RBFOX1: variants seen among roughly 807,000 people sequenced by gnomAD.
The protein encoded by RBFOX1 is RNA binding fox-1 homolog 1, also known as RNA binding protein fox-1 homolog 1.
In RBFOX1, 8 loss-of-function variants were observed where a neutral mutation model predicts 57.7. The ratio of observed to expected loss-of-function variants is 0.14; its 90% confidence interval spans 0.08 to 0.25. The LOEUF (loss-of-function observed/expected upper bound fraction) is 0.25, where lower values mean the gene tolerates loss of function less well. RBFOX1 is among the 10% of genes least tolerant of loss of function. The pLI is 1.00. For synonymous variants in RBFOX1, 326 were observed against 222.4 expected, an observed-to-expected ratio of 1.47 and a Z score of -4.15; for missense variants, 611 against 548.5, an observed-to-expected ratio of 1.11 and a Z score of -1.14.
At chr16:7,038,914 G>T (rs908142466) in intron 3 of RBFOX1, among the ~76,000 whole-genome samples, 3 of 152,176 alleles carry the variant, frequency 2.0e-5, no homozygotes, top group East Asian at 3.9e-4. Context: ...TTCAAATTCT[G>T]TGGGCATCCT....
At chr16:6,756,051 C>T (rs1196146095) in intron 3 of RBFOX1, among the ~76,000 whole-genome samples, 1 of 152,114 alleles carries the variant, frequency 6.6e-6, no homozygotes, top group Non-Finnish European at 1.5e-5. Context: ...TGAGGTGCCT[C>T]CCAGGGAGTG....
At chr16:6,769,414 A>G (rs1053665952) in intron 3 of RBFOX1, among the ~76,000 whole-genome samples, 3 of 152,210 alleles carry the variant, frequency 2.0e-5, no homozygotes, top group Non-Finnish European at 4.4e-5. Flanking sequence ...AGAATACAGC[A>G]GTACATCAGG....
intron 4 of RBFOX1, among the ~76,000 whole-genome samples, chr16:5,991,656 T>C (rs1275211551): frequency 6.6e-6 from 1 of 150,910 alleles, no homozygotes; most frequent in Non-Finnish European, 1.5e-5. Context: ...TTTTTTTTTT[T>C]TTTTTTTTTT....
intron 4 of RBFOX1, among the ~76,000 whole-genome samples, chr16:6,003,788 C>T (rs2152331764): frequency 6.6e-6 from 1 of 152,310 alleles, no homozygotes; most frequent in Admixed American, 6.5e-5. Flanking sequence ...CCTCAGGAAC[C>T]ACACAAGTGG....
intron 2 of RBFOX1, among the ~76,000 whole-genome samples, chr16:6,634,308 C>A (rs755741548): frequency 2.0e-5 from 3 of 151,978 alleles, no homozygotes; most frequent in Non-Finnish European, 4.4e-5. Context: ...TCAGATCACC[C>A]GCTTCTGAGT....
chr16:7,064,747 A>G (rs191529623), intron 4 of RBFOX1, among the ~76,000 whole-genome samples: 2 of 152,316 alleles, frequency 1.3e-5, no homozygotes, highest in East Asian at 1.9e-4. Context: ...ACTAAAATCA[A>G]AAGCAAATGA....
intron 1 of RBFOX1, among the ~76,000 whole-genome samples, chr16:5,382,275 A>T (rs557565939): frequency 5.3e-5 from 8 of 152,212 alleles, no homozygotes; most frequent in Non-Finnish European, 1.0e-4. Flanking sequence ...AAAATGCTCA[A>T]ATAGTTCCAA....
chr16:6,603,610 GC>G (rs962108091), intron 2 of RBFOX1, among the ~76,000 whole-genome samples: 1 of 151,938 alleles, frequency 6.6e-6, no homozygotes, highest in Non-Finnish European at 1.5e-5. Context: ...ACTTGAGAAA[GC>G]CCCCCCGGGC....
chr16:5,848,486 G>A (rs2056811525), intron 3 of RBFOX1, among the ~76,000 whole-genome samples: 1 of 152,068 alleles, frequency 6.6e-6, no homozygotes, highest in Non-Finnish European at 1.5e-5. Context: ...AAAACTCCAT[G>A]GACTCCAGGT....
chr16:6,422,499 G>T (rs1401080940), intron 2 of RBFOX1, among the ~76,000 whole-genome samples: 1 of 152,040 alleles, frequency 6.6e-6, no homozygotes, highest in South Asian at 2.1e-4. Flanking sequence ...ATAAAGAAAT[G>T]CCTGAGACTG....
intron 3 of RBFOX1, among the ~76,000 whole-genome samples, chr16:6,759,691 TAATAATAGCCTTTAATAG>T (rs2076335934): frequency 6.6e-6 from 1 of 152,210 alleles, no homozygotes; most frequent in African/African-American, 2.4e-5. Context: ...ATTTCAACTT[TAATAATAGCCTTTAATAG>T]AATAACAGTG....
At chr16:7,438,700 C>CAG (rs983076341) in intron 4 of RBFOX1, among the ~76,000 whole-genome samples, 3 of 152,208 alleles carry the variant, frequency 2.0e-5, no homozygotes, top group African/African-American at 7.2e-5. Flanking sequence ...AAGTCGGCTT[C>CAG]AGAGAGGGTT....
chr16:6,882,246 A>G (rs2063097985), intron 3 of RBFOX1, among the ~76,000 whole-genome samples: 1 of 152,108 alleles, frequency 6.6e-6, no homozygotes, highest in African/African-American at 2.4e-5. Context: ...AGAGAGATGG[A>G]GAGGGAGAAG....
chr16:7,055,359 T>C (rs893907546), intron 4 of RBFOX1, among the ~76,000 whole-genome samples: 3 of 152,122 alleles, frequency 2.0e-5, no homozygotes, highest in Non-Finnish European at 4.4e-5. Context: ...CTAAGAGTTA[T>C]TTACAAAAAT....
At chr16:6,392,303 A>G (rs189655469) in intron 2 of RBFOX1, among the ~76,000 whole-genome samples, 5 of 152,222 alleles carry the variant, frequency 3.3e-5, no homozygotes, top group Admixed American at 2.0e-4. Context: ...TCGAAGAAGC[A>G]TCTGTAGTAA....
intron 1 of RBFOX1, among the ~76,000 whole-genome samples, chr16:6,124,459 C>T (rs186642603): frequency 6.6e-6 from 1 of 152,262 alleles, no homozygotes; most frequent in Admixed American, 6.5e-5. Flanking sequence ...TATTTCTTCA[C>T]TCCAGACTGG....
intron 3 of RBFOX1, among the ~76,000 whole-genome samples, chr16:6,961,750 G>T (rs2083065431): frequency 6.6e-6 from 1 of 152,130 alleles, no homozygotes; most frequent in African/African-American, 2.4e-5. Flanking sequence ...TTGTTTCACG[G>T]CGTTTTTAAA....
At chr16:5,804,543 G>C (rs1164907900) in intron 3 of RBFOX1, among the ~76,000 whole-genome samples, 1 of 152,194 alleles carries the variant, frequency 6.6e-6, no homozygotes, top group Non-Finnish European at 1.5e-5. Context: ...GTTGAGTGCT[G>C]TGAATTCCAG....
At chr16:7,214,128 C>G (rs959676596) in intron 4 of RBFOX1, among the ~76,000 whole-genome samples, 1 of 151,888 alleles carries the variant, frequency 6.6e-6, no homozygotes, top group Admixed American at 6.6e-5. Flanking sequence ...TTTTCTTGTT[C>G]TCTGACCATT....
Sources: gnomAD v4.1 joint callset for allele counts (sites outside exome capture counted in the v4.1 genomes callset) on GRCh38, gnomAD v4.1.1 for gene constraint, MANE v1.5 for transcripts, NCBI Gene and HGNC (gene_info 2026-07-23, HGNC 2026-07-21) for gene names.